Variants in KIF26B observed in about 807,000 individuals in gnomAD.
The protein encoded by KIF26B is kinesin-like protein KIF26B.
Under a neutral mutation model 151.2 loss-of-function variants are expected in KIF26B, and 63 were observed. The ratio of observed to expected loss-of-function variants is 0.42; its 90% CI spans 0.34 to 0.51. The LOEUF is 0.51. KIF26B is among the 20% of genes least tolerant of loss of function. KIF26B has a pLI of 0.07. For synonymous variants in KIF26B, 1,357 were observed against 1,262.1 expected, an observed-to-expected ratio of 1.08 and a Z score of -1.59; for missense variants, 2,813 against 2,913.6, an observed-to-expected ratio of 0.97 and a Z score of 0.79.
intron 10 of KIF26B, among the ~76,000 whole-genome samples, chr1:245,683,721 A>C (rs1342906034): frequency 6.6e-6 from 1 of 152,206 alleles, no homozygotes; most frequent in African/African-American, 2.4e-5. Flanking sequence ...GGACAATGCC[A>C]ATAAAGTAGC....
chr1:245,582,451 T>C (rs1316591459), intron 5 of KIF26B, among the ~76,000 whole-genome samples: 1 of 152,198 alleles, frequency 6.6e-6, no homozygotes, highest in African/African-American at 2.4e-5. Context: ...TACTTAATCA[T>C]AGCCTGTGCT....
chr1:245,551,181 G>A (rs1457683441), intron 5 of KIF26B, among the ~76,000 whole-genome samples: 1 of 152,054 alleles, frequency 6.6e-6, no homozygotes, highest in Non-Finnish European at 1.5e-5. Flanking sequence ...AGGTAGCTGG[G>A]ACCACATTAG....
At chr1:245,321,084 A>T (rs79200524) in intron 2 of KIF26B, among the ~76,000 whole-genome samples, 1,953 of 152,274 alleles carry the variant, frequency 0.013, 49 homozygotes, top group African/African-American at 0.045. Flanking sequence ...AAAAAATCAC[A>T]TATCCACCAT....
intron 5 of KIF26B, among the ~76,000 whole-genome samples, chr1:245,556,696 CTGGT>C (rs1391056597): frequency 1.2e-5 from 1 of 86,472 alleles, no homozygotes; most frequent in Non-Finnish European, 3.0e-5. Context: ...GCCACTGCAT[CTGGT>C]GTTTTTGTTG....
At chr1:245,668,538 G>A (rs2044243714) in intron 10 of KIF26B, among the ~76,000 whole-genome samples, 1 of 152,116 alleles carries the variant, frequency 6.6e-6, no homozygotes, top group African/African-American at 2.4e-5. Flanking sequence ...TCTCAGGCTT[G>A]TATTGGTAAT....
intron 4 of KIF26B, among the ~76,000 whole-genome samples, chr1:245,484,430 C>G (rs2103070532): frequency 1.3e-5 from 2 of 151,956 alleles, no homozygotes; most frequent in East Asian, 3.9e-4. Flanking sequence ...GGTCGCCTGA[C>G]AGAGGCCCCT....
chr1:245,592,775 A>C (rs936304355), intron 5 of KIF26B, among the ~76,000 whole-genome samples: 55 of 152,260 alleles, frequency 3.6e-4, no homozygotes, highest in African/African-American at 1.2e-3. Context: ...TGTTTGGGCA[A>C]AGAAATTTAA....
At chr1:245,432,117 G>A (rs1658795861) in intron 4 of KIF26B, among the ~76,000 whole-genome samples, 1 of 151,826 alleles carries the variant, frequency 6.6e-6, no homozygotes, top group South Asian at 2.1e-4. Context: ...TCCCACCTGT[G>A]CACCCCTCCC....
chr1:245,483,013 C>T (rs904065720), intron 4 of KIF26B, among the ~76,000 whole-genome samples: 2 of 151,534 alleles, frequency 1.3e-5, no homozygotes, highest in African/African-American at 4.8e-5. Flanking sequence ...GTGAGGAGGC[C>T]CAGGCAGCAG....
At chr1:245,649,921 A>G (rs1409368026) in intron 10 of KIF26B, among the ~76,000 whole-genome samples, 1 of 152,210 alleles carries the variant, frequency 6.6e-6, no homozygotes, top group East Asian at 1.9e-4. Context: ...GGCACCCTCC[A>G]TGTGCGCTGA....
intron 2 of KIF26B, among the ~76,000 whole-genome samples, chr1:245,309,933 T>G (rs1294468783): frequency 6.8e-6 from 1 of 146,776 alleles, no homozygotes; most frequent in African/African-American, 2.5e-5. Context: ...TCAATAAATA[T>G]CTCTCTCTCA....
intron 5 of KIF26B, among the ~76,000 whole-genome samples, chr1:245,584,064 G>A (rs1229043081): frequency 6.6e-6 from 1 of 152,200 alleles, no homozygotes; most frequent in Non-Finnish European, 1.5e-5. Flanking sequence ...CCCCAGTGCT[G>A]GAGGTGGGGC....
intron 5 of KIF26B, among the ~76,000 whole-genome samples, chr1:245,596,372 T>TG (rs1352187678): frequency 6.6e-6 from 1 of 152,240 alleles, no homozygotes; most frequent in Non-Finnish European, 1.5e-5. Context: ...TTGTGCTCAT[T>TG]GGTTTCAAAG....
Position 245,318,033 on chromosome 1 carries a change from G to A in KIF26B, c.466-48801G>A, listed in dbSNP as rs745868214. Among the ~76,000 whole-genome samples the A allele has an allele frequency of 8.5e-5, 13 of 152,122 alleles. No individual in the cohort carries two copies. Among genetic ancestry groups the A allele is most frequent in the South Asian group, 6.2e-4 (3 of 4,824 alleles). On this transcript the variant is annotated intron_variant, in intron 2 of 14. Coordinates refer to ENST00000407071, the MANE Select transcript of KIF26B (RefSeq NM_018012.4). This position sits in a 1 kb window ranked among gnomAD's most constrained non-coding sequence, Gnocchi z 4.0. ...CACCTGATTTCCAGGTTAGTGCAGC[G>A]CCTGACCTCTCTCCAGAGGCACCCT...
Position 245,203,260 on chromosome 1 carries a change from G to GAAAAA in KIF26B, c.465+46581_465+46582insAAAAA, listed in dbSNP as rs1669338591. 5.7e-4 allele frequency among the ~76,000 whole-genome samples: 15 copies of GAAAAA among 26,232 alleles called. 1 individual carries two copies. Among genetic ancestry groups the GAAAAA allele is most frequent in the Non-Finnish European group, 6.0e-4 (7 of 11,756 alleles). The allele number at this position is 26,232 out of a possible 152,430, so 17.2% of individuals were successfully genotyped here. A position where few individuals can be genotyped will look rare whatever the true frequency, so the allele number is the denominator to read the frequency against. On this transcript the variant is annotated intron_variant, in intron 2 of 14. Transcript: ENST00000407071. ...CGACTCTGTCTCAAAAAAAAAAAAA[G>GAAAAA]AAAATGAGTTAAAGTTACAAGGAAG...
rs12028848 is a variant in KIF26B at position 245,269,772 on chromosome 1, G to A, written c.466-97062G>A. The stretch of plus-strand genomic sequence containing the variant: ...GCCACCGCACCTGCCCCCACCCCCT[G>A]CCACCTTTTTTTTTAAAGGCTGAAT... On this transcript the variant is annotated intron_variant, in intron 2 of 14. Transcript: ENST00000407071. Among the ~76,000 whole-genome samples, 508 of 151,802 alleles carry A rather than the reference G, an allele frequency of 3.3e-3. 5 individuals carry two copies. The East Asian group carries it at 0.045, about 13-fold the overall frequency.
intron 10 of KIF26B, among the ~76,000 whole-genome samples, chr1:245,680,000 G>C (rs1187360484): frequency 1.3e-5 from 2 of 152,104 alleles, no homozygotes; most frequent in Non-Finnish European, 2.9e-5. Context: ...GCTCTGGGGA[G>C]GGGGTGGCCA....
chr1:245,180,917 C>T (rs1467198034), intron 2 of KIF26B, among the ~76,000 whole-genome samples: 1 of 152,066 alleles, frequency 6.6e-6, no homozygotes, highest in Non-Finnish European at 1.5e-5. Context: ...TCCACTGTAA[C>T]CTTGAACACC....
intron 3 of KIF26B, among the ~76,000 whole-genome samples, chr1:245,415,139 A>T (rs1337664912): frequency 6.6e-6 from 1 of 152,164 alleles, no homozygotes; most frequent in Non-Finnish European, 1.5e-5. Flanking sequence ...CAGCAAAGGG[A>T]TAGACACATC....
Sources: allele counts gnomAD v4.1 joint callset (sites outside exome capture counted in the v4.1 genomes callset), GRCh38; gene constraint gnomAD v4.1.1; non-coding constraint Gnocchi (gnomAD v3.1); transcripts MANE v1.5; gene names NCBI Gene and HGNC (gene_info 2026-07-23, HGNC 2026-07-21).